PRKCB: variants seen among roughly 807,000 people sequenced by gnomAD.
The protein encoded by PRKCB is protein kinase C beta type.
Under a neutral mutation model 81.5 loss-of-function variants are expected in PRKCB, and 13 were observed. The observed-to-expected ratio is 0.16, with a 90% CI of 0.10 to 0.25. PRKCB has a LOEUF of 0.25. PRKCB is among the 10% of genes least tolerant of loss of function. PRKCB has a pLI of 1.00. For synonymous variants in PRKCB, 335 were observed against 321.4 expected, an observed-to-expected ratio of 1.04 and a Z score of -0.45; for missense variants, 509 against 875.7, an observed-to-expected ratio of 0.58 and a Z score of 5.29.
At chr16:24,045,818 G>C (rs1259584434) in intron 5 of PRKCB, among the ~76,000 whole-genome samples, 1 of 152,244 alleles carries the variant, frequency 6.6e-6, no homozygotes, top group Non-Finnish European at 1.5e-5. Context: ...GCAGAGGATC[G>C]CAGTGAGACG....
intron 6 of PRKCB, 31 bp downstream of exon 6, chr16:24,092,978 T>A (rs763881337): frequency 6.3e-7 from 1 of 1,599,522 alleles, no homozygotes; most frequent in Non-Finnish European, 8.5e-7. Flanking sequence ...TGAGCATGGG[T>A]GGTGGAGGTT....
intron 11 of PRKCB, among the ~76,000 whole-genome samples, chr16:24,174,036 T>C (rs1967488699): frequency 6.6e-6 from 1 of 151,982 alleles, no homozygotes; most frequent in Non-Finnish European, 1.5e-5. Context: ...GGGGACAGGG[T>C]CTCACTCTGT....
At chr16:24,036,572 C>T (rs1965622097) in intron 5 of PRKCB, among the ~76,000 whole-genome samples, 1 of 152,036 alleles carries the variant, frequency 6.6e-6, no homozygotes, top group South Asian at 2.1e-4. Flanking sequence ...TGCATTGAGC[C>T]CTGGGTTGCG....
chr16:24,107,500 C>T (rs566725478), intron 7 of PRKCB, among the ~76,000 whole-genome samples: 1 of 152,284 alleles, frequency 6.6e-6, no homozygotes, highest in South Asian at 2.1e-4. Context: ...TTGGGCGGGG[C>T]TACAGTGGAG....
intron 2 of PRKCB, among the ~76,000 whole-genome samples, chr16:23,942,260 T>C (rs894477332): frequency 1.3e-5 from 2 of 152,256 alleles, no homozygotes; most frequent in African/African-American, 4.8e-5. Context: ...TAACCATGGA[T>C]TGGCAATCTG....
At chr16:24,147,974 A>C (rs1039468129) in intron 9 of PRKCB, among the ~76,000 whole-genome samples, 3 of 152,026 alleles carry the variant, frequency 2.0e-5, no homozygotes, top group Admixed American at 2.0e-4. Context: ...AGTATCACAA[A>C]TTCTTTGTCC....
At chr16:23,977,980 C>T (rs1219138965) in intron 2 of PRKCB, among the ~76,000 whole-genome samples, 3 of 152,116 alleles carry the variant, frequency 2.0e-5, no homozygotes, top group Non-Finnish European at 2.9e-5. Context: ...AAGCCAGGCA[C>T]GTGGTAGGCA....
chr16:24,010,290 T>G (rs1596509896), intron 3 of PRKCB, among the ~76,000 whole-genome samples: 1 of 152,208 alleles, frequency 6.6e-6, no homozygotes, highest in African/African-American at 2.4e-5. Context: ...GGTCTAAGTT[T>G]TCCCATTTTT....
At chr16:24,031,353 T>C (rs1368767669) in intron 3 of PRKCB, among the ~76,000 whole-genome samples, 1 of 152,152 alleles carries the variant, frequency 6.6e-6, no homozygotes, top group Non-Finnish European at 1.5e-5. Context: ...GGCTCCAAGT[T>C]TGGGTCCAGG....
At chr16:24,051,906 G>A (rs981003244) in intron 5 of PRKCB, among the ~76,000 whole-genome samples, 1 of 151,774 alleles carries the variant, frequency 6.6e-6, no homozygotes, top group Non-Finnish European at 1.5e-5. Context: ...GGTCAGGAAA[G>A]GGAGACCATC....
intron 5 of PRKCB, among the ~76,000 whole-genome samples, chr16:24,050,693 T>C (rs1965830521): frequency 6.6e-6 from 1 of 152,208 alleles, no homozygotes. Context: ...GAAAATGCTC[T>C]TACTCTGCAA....
At chr16:23,845,320 G>A (rs1348363636) in intron 2 of PRKCB, among the ~76,000 whole-genome samples, 1 of 151,864 alleles carries the variant, frequency 6.6e-6, no homozygotes, top group African/African-American at 2.4e-5. Flanking sequence ...AATATATAAT[G>A]GGAAGCTAAC....
chr16:23,890,986 A>T (rs1238827049), intron 2 of PRKCB, among the ~76,000 whole-genome samples: 1 of 138,148 alleles, frequency 7.2e-6, no homozygotes, highest in Non-Finnish European at 1.6e-5. Flanking sequence ...AAGGAACATT[A>T]TGTATATATA....
chr16:24,053,861 CAGAG>C (rs1203676802), intron 5 of PRKCB, among the ~76,000 whole-genome samples: 1 of 152,152 alleles, frequency 6.6e-6, no homozygotes, highest in Non-Finnish European at 1.5e-5. Flanking sequence ...GCGGAGGAAA[CAGAG>C]AGGCAGCTGC....
chr16:23,869,282 G>A (rs534909647), intron 2 of PRKCB: 8 of 316,394 alleles, frequency 2.5e-5, no homozygotes, highest in East Asian at 9.1e-5. Flanking sequence ...CCTCAGCTGC[G>A]TCCTGGGATG....
intron 2 of PRKCB, among the ~76,000 whole-genome samples, chr16:23,984,899 G>T (rs2141819120): frequency 6.6e-6 from 1 of 152,212 alleles, no homozygotes; most frequent in East Asian, 1.9e-4. Context: ...GAATAAAAGG[G>T]AAAGTTAAAC....
At chr16:24,117,733 C>A (rs1966751194) in intron 8 of PRKCB, among the ~76,000 whole-genome samples, 1 of 152,024 alleles carries the variant, frequency 6.6e-6, no homozygotes, top group South Asian at 2.1e-4. Flanking sequence ...GGAAGCATTG[C>A]CAGAAAAGGT....
intron 3 of PRKCB, among the ~76,000 whole-genome samples, chr16:24,009,598 T>TG (rs1325921884): frequency 1.3e-5 from 2 of 151,548 alleles, no homozygotes; most frequent in Non-Finnish European, 2.9e-5. Flanking sequence ...CCTATTTTTT[T>TG]TTTTAAAAAA....
intron 5 of PRKCB, among the ~76,000 whole-genome samples, chr16:24,092,183 C>T (rs895812914): frequency 6.6e-6 from 1 of 152,220 alleles, no homozygotes; most frequent in Non-Finnish European, 1.5e-5. Context: ...ATTTCCCTTT[C>T]CCTCCAGCCT....
Sources: allele counts gnomAD v4.1 joint callset (sites outside exome capture counted in the v4.1 genomes callset), GRCh38; gene constraint gnomAD v4.1.1; transcripts MANE v1.5; gene names NCBI Gene and HGNC (gene_info 2026-07-23, HGNC 2026-07-21).